Variants in LRP1B observed in about 807,000 individuals in gnomAD.
The protein encoded by LRP1B is LDL receptor related protein 1B.
Under a neutral mutation model 556.6 loss-of-function variants are expected in LRP1B, and 217 were observed. That is an observed-to-expected ratio of 0.39 (90% CI 0.35 to 0.44). The LOEUF (loss-of-function observed/expected upper bound fraction) is 0.44. Ranked by LOEUF, LRP1B falls within the 20% of genes least tolerant of loss-of-function variation. The pLI is 1.00. For synonymous variants in LRP1B, 2,047 were observed against 1,865.8 expected, an observed-to-expected ratio of 1.10 and a Z score of -2.50; for missense variants, 5,053 against 5,620.8, an observed-to-expected ratio of 0.90 and a Z score of 3.23.
chr2:140,530,511 T>C (rs1690644417), intron 47 of LRP1B, among the ~76,000 whole-genome samples: 1 of 152,090 alleles, frequency 6.6e-6, no homozygotes, highest in Non-Finnish European at 1.5e-5. Context: ...TCCTTCTATA[T>C]CTTGAAAGGT....
chr2:141,454,347 A>G (rs1238558539), intron 3 of LRP1B, among the ~76,000 whole-genome samples: 1 of 152,254 alleles, frequency 6.6e-6, no homozygotes, highest in South Asian at 2.1e-4. Flanking sequence ...TTCCCTCCTG[A>G]GTGAGTGAAA....
At chr2:140,551,435 C>T (rs960364357) in intron 43 of LRP1B, among the ~76,000 whole-genome samples, 1 of 152,040 alleles carries the variant, frequency 6.6e-6, no homozygotes, top group Non-Finnish European at 1.5e-5. Context: ...GGAAACTGAA[C>T]AAAGGCTAAG....
chr2:140,521,075 T>C (rs776290945), intron 49 of LRP1B, among the ~76,000 whole-genome samples: 8 of 151,966 alleles, frequency 5.3e-5, no homozygotes, highest in Non-Finnish European at 1.2e-4. Flanking sequence ...ATCTATGACT[T>C]ATTGAGATTC....
intron 3 of LRP1B, among the ~76,000 whole-genome samples, chr2:141,464,606 A>ATATATATATATTTTTTTTTTTTTTTTTT: frequency 6.6e-5 from 6 of 90,558 alleles, no homozygotes; most frequent in African/African-American, 2.6e-4. Flanking sequence ...ATATATATAT[A>ATATATATATATTTTTTTTTTTTTTTTTT]TTTTTTTAGT....
intron 2 of LRP1B, among the ~76,000 whole-genome samples, chr2:141,647,130 C>T (rs924656359): frequency 6.6e-6 from 1 of 152,090 alleles, no homozygotes. Flanking sequence ...GAGAAAATTA[C>T]TGATTTTGTA....
chr2:141,505,455 C>A (rs12618575), intron 2 of LRP1B, among the ~76,000 whole-genome samples: 148,178 of 152,102 alleles, frequency 0.97, 72,288 homozygotes, highest in East Asian at 1. Flanking sequence ...TGCAAGAAAA[C>A]TATATTACAC....
intron 20 of LRP1B, among the ~76,000 whole-genome samples, chr2:140,944,772 G>T (rs1390109784): frequency 6.6e-6 from 1 of 152,028 alleles, no homozygotes; most frequent in Non-Finnish European, 1.5e-5. Context: ...AAAATAATAA[G>T]AGCTGTCTAT....
intron 3 of LRP1B, among the ~76,000 whole-genome samples, chr2:141,404,668 G>A (rs1038758178): frequency 6.6e-6 from 1 of 152,144 alleles, no homozygotes; most frequent in Non-Finnish European, 1.5e-5. Context: ...ATGTATAGTG[G>A]CATAATTTGA....
chr2:141,267,486 G>C (rs1339916930), intron 3 of LRP1B, among the ~76,000 whole-genome samples: 1 of 152,154 alleles, frequency 6.6e-6, no homozygotes, highest in Non-Finnish European at 1.5e-5. Flanking sequence ...AAGGTGCATT[G>C]GACTGGCAAA....
Position 140,529,839 on chromosome 2 carries a change from A to G in LRP1B, c.7763-3489T>C, listed in dbSNP as rs77284590. On this transcript the variant is annotated intron_variant, in intron 47 of 90. Coordinates refer to ENST00000389484, the MANE Select transcript of LRP1B (RefSeq NM_018557.3). Reference sequence around the variant, plus strand: ...CGACCTGCCATGCAACCAGAAGAGGAGTACAAAATGACGAACTTATGAACA... The same window carrying G: ...CGACCTGCCATGCAACCAGAAGAGGGGTACAAAATGACGAACTTATGAACA... Among the ~76,000 whole-genome samples, 1,473 of 152,126 alleles carry G rather than the reference A, an allele frequency of 9.7e-3. 28 individuals are homozygous for G. Among genetic ancestry groups the G allele is most frequent in the African/African-American group, 0.033 (1,385 of 41,526 alleles).
intron 51 of LRP1B, among the ~76,000 whole-genome samples, chr2:140,511,346 G>A (rs1486033825): frequency 8.6e-6 from 1 of 116,414 alleles, no homozygotes; most frequent in Non-Finnish European, 1.6e-5. Context: ...CTGTCGCCCA[G>A]GCTGGAGTGC....
At chr2:140,645,533 C>CTTTTTTTTT (rs36082249) in intron 41 of LRP1B, among the ~76,000 whole-genome samples, 21 of 81,228 alleles carry the variant, frequency 2.6e-4, no homozygotes, top group African/African-American at 6.1e-4. Flanking sequence ...TGCCAATATT[C>CTTTTTTTTT]TTTTTTTTTT....
At chr2:141,447,785 A>C (rs141184418) in intron 3 of LRP1B, among the ~76,000 whole-genome samples, 2,100 of 152,242 alleles carry the variant, frequency 0.014, 30 homozygotes, top group Middle Eastern at 0.058. Context: ...TTCCTCTGGA[A>C]GCTTTGTCCC....
intron 1 of LRP1B, among the ~76,000 whole-genome samples, chr2:141,871,015 A>G (rs1199808592): frequency 6.6e-6 from 1 of 151,954 alleles, no homozygotes; most frequent in African/African-American, 2.4e-5. Flanking sequence ...TAAACCCATC[A>G]TTGTGTATAG....
chr2:141,968,556 TCA>T (rs1162763810), intron 1 of LRP1B, among the ~76,000 whole-genome samples: 1 of 151,706 alleles, frequency 6.6e-6, no homozygotes, highest in Non-Finnish European at 1.5e-5. Flanking sequence ...TGTACATGAC[TCA>T]TTTATCCTGA....
chr2:140,478,981 A>G (rs112253832), intron 59 of LRP1B, among the ~76,000 whole-genome samples: 7,311 of 152,028 alleles, frequency 0.048, 216 homozygotes, highest in African/African-American at 0.052. Context: ...GTATCTTTGA[A>G]TATGATTTGC....
At position 140,474,775 on chromosome 2, in the gene LRP1B, A is replaced by C. The variant is rs868388948; in HGVS notation, c.9625+363T>G. Reference sequence around the variant, plus strand: ...AACTATACTTTTACTCAGTTTTTTAAGAAAATTGAAATCCTAGCAGTTTGC... The same window carrying C: ...AACTATACTTTTACTCAGTTTTTTACGAAAATTGAAATCCTAGCAGTTTGC... On this transcript the variant is annotated intron_variant, in intron 60 of 90. Coordinates refer to ENST00000389484, the MANE Select transcript of LRP1B (RefSeq NM_018557.3). Among the ~76,000 whole-genome samples, 8 of 152,052 alleles carry C rather than the reference A, an allele frequency of 5.3e-5. No individual in the cohort carries two copies. In the South Asian group the frequency reaches 1.0e-3, roughly 20 times the overall value.
chr2:140,468,056 A>T (rs922164943), intron 60 of LRP1B, among the ~76,000 whole-genome samples: 1 of 152,182 alleles, frequency 6.6e-6, no homozygotes, highest in African/African-American at 2.4e-5. Context: ...AAGACAATGT[A>T]AGAATGACCT....
chr2:141,058,962 A>G lies in LRP1B; in HGVS notation c.1329T>C (p.Asn443=), dbSNP rs2105462848. The G allele has an allele frequency of 6.2e-7, 1 of 1,601,062 alleles. No homozygotes were observed. Among genetic ancestry groups the G allele is most frequent in the Non-Finnish European group, 8.5e-7 (1 of 1,173,304 alleles). The change falls in exon 9 of 91, where the codon AAT becomes AAC. Residue 443 remains asparagine (N), a synonymous_variant. Coordinates refer to ENST00000389484, the MANE Select transcript of LRP1B (RefSeq NM_018557.3). ...TAATTAATGAGTGAATATCAGTCCC[A>G]TTAAATCGGTTTATCCTTACGATAT... is the stretch of plus-strand genomic sequence containing the variant. ...NYNIVRINRF[N]GTDIHSLIKI... is the part of the protein sequence containing the mutation.
Sources: gnomAD v4.1 joint callset for allele counts (sites outside exome capture counted in the v4.1 genomes callset) on GRCh38, gnomAD v4.1.1 for gene constraint, MANE v1.5 for transcripts, NCBI Gene and HGNC (gene_info 2026-07-23, HGNC 2026-07-21) for gene names.